The following TENM1 variants were observed in gnomAD, a reference collection of about 807,000 sequenced individuals.
The protein encoded by TENM1 is teneurin transmembrane protein 1, also known as teneurin-1.
Under a neutral mutation model 174.8 loss-of-function variants are expected in TENM1, and 35 were observed. The observed-to-expected ratio is 0.20, with a 90% CI of 0.15 to 0.27. The LOEUF (loss-of-function observed/expected upper bound fraction) is 0.27. Ranked by LOEUF, TENM1 falls within the 10% of genes least tolerant of loss-of-function variation. The pLI is 1.00. For synonymous variants in TENM1, 781 were observed against 798.7 expected (o/e 0.98, Z 0.37); for missense variants, 1,633 against 2,130.1 (o/e 0.77, Z 4.59).
chrX:124,972,475 A>C, the TENM1 span, among the ~76,000 whole-genome samples: 1 of 111,923 alleles, frequency 8.9e-6, no homozygotes, highest in African/African-American at 3.3e-5. Flanking sequence ...TTGTTAGTCT[A>C]ATTATTCAGT....
chrX:125,052,834 T>C, the TENM1 span, among the ~76,000 whole-genome samples: 2 of 112,234 alleles, frequency 1.8e-5, no homozygotes, highest in East Asian at 5.7e-4. Flanking sequence ...GAAATTGTTG[T>C]TCCCTAAAGT....
intron 3 of TENM1, among the ~76,000 whole-genome samples, chrX:124,869,452 T>A (rs1436584854): frequency 9.0e-6 from 1 of 111,450 alleles, no homozygotes; most frequent in Non-Finnish European, 1.9e-5. Context: ...GATGGGTATA[T>A]ATTGTATAGT....
intron 1 of TENM1, among the ~76,000 whole-genome samples, chrX:124,952,986 T>C (rs764632013): frequency 9.0e-5 from 10 of 111,615 alleles, no homozygotes; most frequent in Non-Finnish European, 1.7e-4. Flanking sequence ...TCAAAGTTTA[T>C]CTTCCGTCAC....
At chrX:124,609,100 T>C (rs1446926976) in intron 11 of TENM1, among the ~76,000 whole-genome samples, 1 of 111,164 alleles carries the variant, frequency 9.0e-6, no homozygotes. Context: ...AACCATGATA[T>C]AGGTGTAAAG....
chrX:124,662,736 A>G lies in TENM1; in HGVS notation c.1168+8947T>C, dbSNP rs146576941. On this transcript the variant is annotated intron_variant, in intron 6 of 31. Coordinates refer to ENST00000422452, the Ensembl canonical transcript of TENM1. ...TTTCTTGTTTTCCAAGGTCTGGCGC[A>G]AACTACTTCTCCAGAAACAGTCGTA... 5.0e-4 allele frequency among the ~76,000 whole-genome samples: 56 copies of G among 111,748 alleles called. 1 individual carries two copies. Among genetic ancestry groups the G allele is most frequent in the Middle Eastern group, 9.3e-3 (2 of 216 alleles).
chrX:125,023,410 A>T, the TENM1 span, among the ~76,000 whole-genome samples: 1 of 111,182 alleles, frequency 9.0e-6, no homozygotes, highest in African/African-American at 3.3e-5. Context: ...TCCTTTATAA[A>T]TTACACAGTC....
At chrX:124,572,184 C>T (rs746252433) in intron 11 of TENM1, among the ~76,000 whole-genome samples, 4 of 111,345 alleles carry the variant, frequency 3.6e-5, no homozygotes, top group Admixed American at 1.9e-4. Context: ...AATGCACACA[C>T]ATACACACAC....
intron 1 of TENM1, among the ~76,000 whole-genome samples, chrX:124,926,059 G>A (rs1421083665): frequency 8.9e-6 from 1 of 112,527 alleles, no homozygotes; most frequent in Non-Finnish European, 1.9e-5. Flanking sequence ...TTTTTAAAGT[G>A]TTAGTATCTG....
chrX:125,136,084 G>T, the TENM1 span, among the ~76,000 whole-genome samples: 1 of 111,531 alleles, frequency 9.0e-6, no homozygotes, highest in Non-Finnish European at 1.9e-5. Context: ...GCAGAATCAC[G>T]TTTTTATTTT....
chrX:124,625,304 C>T (rs1372279751), intron 11 of TENM1, among the ~76,000 whole-genome samples: 1 of 111,157 alleles, frequency 9.0e-6, no homozygotes, highest in African/African-American at 3.3e-5. Flanking sequence ...TTGTAAAGCA[C>T]ATATATAGTA....
chrX:125,114,972 A>G, the TENM1 span, among the ~76,000 whole-genome samples: 4 of 112,041 alleles, frequency 3.6e-5, no homozygotes, highest in African/African-American at 1.3e-4. Context: ...CCTGATGAAC[A>G]TTGATGTGAA....
At chrX:124,606,116 G>GC (rs1370476988) in intron 11 of TENM1, among the ~76,000 whole-genome samples, 1 of 111,135 alleles carries the variant, frequency 9.0e-6, no homozygotes, top group Non-Finnish European at 1.9e-5. Context: ...GCAAAGTATG[G>GC]CCCACAGAGT....
intron 11 of TENM1, among the ~76,000 whole-genome samples, chrX:124,629,261 G>A (rs1232158947): frequency 1.8e-5 from 2 of 112,253 alleles, no homozygotes; most frequent in African/African-American, 6.5e-5. Context: ...ATAGCTACTT[G>A]TTAACTGACT....
chrX:124,812,861 A>G (rs1448999319), intron 3 of TENM1, among the ~76,000 whole-genome samples: 1 of 111,387 alleles, frequency 9.0e-6, no homozygotes, highest in Non-Finnish European at 1.9e-5. Context: ...TGAGCCAGCC[A>G]ATTTAGAAAT....
chrX:125,186,706 G>A, the TENM1 span, among the ~76,000 whole-genome samples: 1 of 110,694 alleles, frequency 9.0e-6, no homozygotes, highest in Non-Finnish European at 1.9e-5. Flanking sequence ...AGTGGATTCT[G>A]TTGCCATGTT....
chrX:124,529,948 A>G (rs777337828), exon 16 of TENM1: 2 of 1,210,841 alleles, frequency 1.7e-6, no homozygotes, highest in South Asian at 3.5e-5. Context: ...AGTTCCATCT[A>G]TGGCCACCAC....
intron 7 of TENM1, among the ~76,000 whole-genome samples, chrX:124,652,608 A>C (rs1488931090): frequency 8.9e-6 from 1 of 112,106 alleles, no homozygotes; most frequent in East Asian, 2.8e-4. Context: ...AGATACTTGA[A>C]AATACACCTT....
intron 17 of TENM1, among the ~76,000 whole-genome samples, chrX:124,522,176 T>C (rs929094664): frequency 2.7e-5 from 3 of 111,542 alleles, no homozygotes; most frequent in Non-Finnish European, 5.7e-5. Flanking sequence ...ATGGAAAAGA[T>C]AAGGGGTAGC....
intron 18 of TENM1, among the ~76,000 whole-genome samples, chrX:124,519,373 C>G (rs1158378223): frequency 9.0e-6 from 1 of 110,817 alleles, no homozygotes; most frequent in Non-Finnish European, 1.9e-5. Flanking sequence ...ATGAGGGTCT[C>G]TTGGGCAGAG....
Sources: allele counts gnomAD v4.1 joint callset (sites outside exome capture counted in the v4.1 genomes callset), GRCh38; gene constraint gnomAD v4.1.1; transcripts MANE v1.5; gene names NCBI Gene and HGNC (gene_info 2026-07-23, HGNC 2026-07-21).